The following COTL1 variants were observed in gnomAD, a reference collection of about 807,000 sequenced individuals.
COTL1 encodes the protein coactosin-like protein.
In COTL1, 15 loss-of-function variants were observed where a neutral mutation model predicts 16.5. That is an observed-to-expected ratio of 0.91 (90% CI 0.61 to 1.40). The LOEUF (loss-of-function observed/expected upper bound fraction) is 1.40, where lower values mean the gene tolerates loss of function less well. Among genes scored for constraint, COTL1 ranks in the 40% most tolerant of loss-of-function variants. The pLI, the probability that COTL1 is intolerant of heterozygous loss-of-function variation, is 0.00. For synonymous variants in COTL1, 112 were observed against 85.3 expected (o/e 1.31, Z -1.73); for missense variants, 220 against 201.5 (o/e 1.09, Z -0.56).
intron 3 of COTL1, among the ~76,000 whole-genome samples, 171 bp downstream of exon 3, chr16:84,589,934 A>C (rs2150687649): frequency 6.6e-6 from 1 of 152,308 alleles, no homozygotes; most frequent in South Asian, 2.1e-4. Context: ...GCATCCTGAA[A>C]CAATTCTGGT....
At chr16:84,585,057 T>C (rs953563654) in intron 3 of COTL1, among the ~76,000 whole-genome samples, 2 of 152,170 alleles carry the variant, frequency 1.3e-5, no homozygotes, top group Non-Finnish European at 2.9e-5. Flanking sequence ...AAAGAAAAAT[T>C]TCCAGAATAC....
chr16:84,602,207 G>A (rs926304957), intron 2 of COTL1, among the ~76,000 whole-genome samples: 1 of 105,158 alleles, frequency 9.5e-6, no homozygotes, highest in African/African-American at 3.2e-5. Flanking sequence ...TTCAATGGGG[G>A]TGGGGGGGGT....
At chr16:84,579,030 C>T (rs1261391278) in intron 3 of COTL1, among the ~76,000 whole-genome samples, 7 of 151,952 alleles carry the variant, frequency 4.6e-5, no homozygotes, top group African/African-American at 1.7e-4. Context: ...CACCCTCATA[C>T]ACAGTAGTGC....
intron 2 of COTL1, among the ~76,000 whole-genome samples, chr16:84,605,185 G>A (rs1905187670): frequency 6.6e-6 from 1 of 152,238 alleles, no homozygotes; most frequent in Admixed American, 6.5e-5. Context: ...TTCCACAGAA[G>A]AGCCTCCCGT....
At chr16:84,617,682 C>T in intron 1 of COTL1, 99 bp from the exon 2 acceptor site, 1 of 1,407,844 alleles carries the variant, frequency 7.1e-7, no homozygotes, top group African/African-American at 1.4e-5. Flanking sequence ...GCGCTGGCCA[C>T]GGAGAAGCCC....
At chr16:84,612,002 C>T (rs761006176) in intron 2 of COTL1, among the ~76,000 whole-genome samples, 9 of 152,144 alleles carry the variant, frequency 5.9e-5, no homozygotes, top group Admixed American at 3.3e-4. Flanking sequence ...AACCTGTGAC[C>T]CTCCAGCCCA....
intron 2 of COTL1, among the ~76,000 whole-genome samples, chr16:84,603,430 G>A (rs1485966698): frequency 6.6e-6 from 1 of 152,134 alleles, no homozygotes; most frequent in East Asian, 1.9e-4. Flanking sequence ...TCACAGCTCT[G>A]CCGTAAACAC....
chr16:84,600,158 G>C (rs1483551897), intron 2 of COTL1, among the ~76,000 whole-genome samples: 2 of 152,080 alleles, frequency 1.3e-5, no homozygotes, highest in African/African-American at 4.8e-5. Flanking sequence ...GTAACTCCCT[G>C]CAGTTGACAA....
In COTL1 at chr16:84,590,429, C is replaced by T. The variant is rs748772126; in HGVS notation, c.161-167G>A. ...AGAGGACAGGAGGGAAGCACTCATC[C>T]GCTGCCCTTGTCACACTCCCCTGAA... On this transcript the variant is annotated intron_variant, in intron 2 of 3. Transcript: ENST00000262428. This position sits in a 1 kb window ranked among gnomAD's most constrained non-coding sequence, Gnocchi z 5.5. 119 of 650,264 alleles carry T rather than the reference C, an allele frequency of 1.8e-4. No individual in the cohort carries two copies. The highest frequency in any genetic ancestry group is 2.7e-4 in the Non-Finnish European group (108 of 399,420). The allele number at this position is 650,264 out of a possible 1,614,324, so 40.3% of individuals were successfully genotyped here. A position where few individuals can be genotyped will look rare whatever the true frequency, so the allele number is the denominator to read the frequency against.
chr16:84,588,065 C>A (rs1186220859), intron 3 of COTL1, among the ~76,000 whole-genome samples: 1 of 152,080 alleles, frequency 6.6e-6, no homozygotes, highest in Non-Finnish European at 1.5e-5. Context: ...AGCCATGACA[C>A]CTGGCCATAT....
Position 84,618,041 on chromosome 16 carries a change from G to T in COTL1, c.-127C>A. On this transcript the variant is annotated 5_prime_UTR_variant, in exon 1 of 4. Transcript: ENST00000262428. ...CTGGCGGCGGTGGCGACGGCTACGC[G>T]GCGCCTGCAAGCTGCGAGCGCGGCG... is the stretch of plus-strand genomic sequence containing the variant. The T allele has an allele frequency of 2.7e-6, 1 of 364,000 alleles. No individual in the cohort carries two copies. The highest frequency in any genetic ancestry group is 4.0e-6 in the Non-Finnish European group (1 of 252,932). 22.5% of individuals were successfully genotyped at this position (364,000 alleles called of 1,614,324 possible). A position where few individuals can be genotyped will look rare whatever the true frequency, so the allele number is the denominator to read the frequency against.
intron 3 of COTL1, among the ~76,000 whole-genome samples, chr16:84,570,744 G>C (rs745922603): frequency 2.6e-5 from 4 of 152,144 alleles, no homozygotes; most frequent in African/African-American, 4.8e-5. Flanking sequence ...CCTGTTGAAG[G>C]GCTGTTTTTA....
intron 2 of COTL1, among the ~76,000 whole-genome samples, chr16:84,591,440 T>TCCCA (rs955225176): frequency 6.6e-6 from 1 of 151,570 alleles, no homozygotes; most frequent in African/African-American, 2.4e-5. Flanking sequence ...CGCCTCAGCC[T>TCCCA]CCCAAAGTGC....
intron 2 of COTL1, among the ~76,000 whole-genome samples, chr16:84,600,962 C>A (rs576350482): frequency 6.6e-6 from 1 of 152,252 alleles, no homozygotes; most frequent in Admixed American, 6.5e-5. Flanking sequence ...TTCTCTACTT[C>A]CTTAAATGGG....
chr16:84,578,836 T>A (rs908564687), intron 3 of COTL1, among the ~76,000 whole-genome samples: 5 of 147,350 alleles, frequency 3.4e-5, no homozygotes, highest in Non-Finnish European at 7.5e-5. Flanking sequence ...CACAGGTGCA[T>A]AGAAACACAG....
intron 3 of COTL1, among the ~76,000 whole-genome samples, chr16:84,574,484 G>C (rs1904407297): frequency 1.3e-5 from 2 of 152,298 alleles, no homozygotes; most frequent in South Asian, 4.1e-4. Flanking sequence ...GCCAAAGCAG[G>C]ATTTTCTTCC....
intron 2 of COTL1, among the ~76,000 whole-genome samples, chr16:84,592,640 C>G (rs1420983816): frequency 6.6e-6 from 1 of 151,370 alleles, no homozygotes; most frequent in Non-Finnish European, 1.5e-5. Flanking sequence ...TTCCTAGAAT[C>G]TAAGTACGTC....
At chr16:84,573,812 G>A (rs1337239043) in intron 3 of COTL1, among the ~76,000 whole-genome samples, 1 of 150,150 alleles carries the variant, frequency 6.7e-6, no homozygotes, top group African/African-American at 2.5e-5. Context: ...GTAGTATTCC[G>A]AAGATCTCTG....
intron 3 of COTL1, among the ~76,000 whole-genome samples, chr16:84,584,238 C>T (rs534647505): frequency 8.5e-5 from 13 of 152,372 alleles, no homozygotes; most frequent in Admixed American, 7.8e-4. Context: ...ATCGCAATCG[C>T]CCTGCCCAGC....
Sources: gnomAD v4.1 joint callset for allele counts (sites outside exome capture counted in the v4.1 genomes callset) on GRCh38, gnomAD v4.1.1 for gene constraint, Gnocchi (gnomAD v3.1) non-coding constraint, MANE v1.5 for transcripts, NCBI Gene and HGNC (gene_info 2026-07-23, HGNC 2026-07-21) for gene names.